The following GRIK4 variants were observed in gnomAD, a reference collection of about 807,000 sequenced individuals.
GRIK4 encodes glutamate receptor ionotropic, kainate 4.
GRIK4 carries 40 observed loss-of-function variants against 104.9 expected under a neutral mutation model. That is an observed-to-expected ratio of 0.38 (90% CI 0.30 to 0.50). The LOEUF is 0.50. Among genes scored for constraint, GRIK4 ranks in the 20% least tolerant of loss-of-function variants. GRIK4 has a pLI of 0.93. For missense variants in GRIK4, 1,047 were observed against 1,308.1 expected (o/e 0.80, Z 3.08); for synonymous variants, 485 against 524.9 (o/e 0.92, Z 1.04).
At chr11:120,787,243 C>G (rs964896783) in intron 3 of GRIK4, among the ~76,000 whole-genome samples, 2 of 151,790 alleles carry the variant, frequency 1.3e-5, no homozygotes, top group African/African-American at 2.4e-5. Flanking sequence ...ACAGGAAGAT[C>G]GCTTGAGCCC....
intron 3 of GRIK4, among the ~76,000 whole-genome samples, chr11:120,743,434 TAGG>T (rs1226614873): frequency 6.6e-6 from 1 of 151,916 alleles, no homozygotes; most frequent in Non-Finnish European, 1.5e-5. Flanking sequence ...GGGTGGAAGG[TAGG>T]AGAAGGGAGA....
intron 3 of GRIK4, among the ~76,000 whole-genome samples, chr11:120,795,291 G>A (rs1351578527): frequency 2.6e-5 from 4 of 152,204 alleles, no homozygotes; most frequent in African/African-American, 9.6e-5. Flanking sequence ...CTGGGCTGCT[G>A]AGAATGTGTG....
intron 1 of GRIK4, among the ~76,000 whole-genome samples, chr11:120,640,217 C>G: frequency 6.6e-6 from 1 of 152,160 alleles, no homozygotes; most frequent in African/African-American, 2.4e-5. Context: ...ATTAGTAATC[C>G]TAGATCTCAG....
chr11:120,959,953 C>T (rs114629097), intron 16 of GRIK4, among the ~76,000 whole-genome samples: 177 of 152,216 alleles, frequency 1.2e-3, no homozygotes, highest in African/African-American at 4.1e-3. Context: ...CACTTGAGCC[C>T]GGGAGTTCTA....
chr11:120,585,512 C>G (rs891748801), intron 1 of GRIK4, among the ~76,000 whole-genome samples: 39 of 151,980 alleles, frequency 2.6e-4, no homozygotes, highest in Non-Finnish European at 5.7e-4. Context: ...CTGTGCCGTG[C>G]CCTTTCCATT....
chr11:120,768,687 T>C (rs1229005254), intron 3 of GRIK4, among the ~76,000 whole-genome samples: 3 of 152,236 alleles, frequency 2.0e-5, no homozygotes, highest in East Asian at 1.9e-4. Flanking sequence ...TTTTAATACA[T>C]AGCCTTTATT....
chr11:120,603,672 G>A (rs1381390382), intron 1 of GRIK4, among the ~76,000 whole-genome samples: 1 of 152,210 alleles, frequency 6.6e-6, no homozygotes, highest in African/African-American at 2.4e-5. Flanking sequence ...CAGGGCTTGG[G>A]TTCAAAGACA....
At chr11:120,733,373 GTTT>G (rs58429084) in intron 3 of GRIK4, among the ~76,000 whole-genome samples, 6 of 150,850 alleles carry the variant, frequency 4.0e-5, no homozygotes, top group African/African-American at 1.5e-4. Context: ...TTTTTTTTCT[GTTT>G]TTTTTTGTGA....
chr11:120,603,521 C>T (rs963587980), intron 1 of GRIK4, among the ~76,000 whole-genome samples: 1 of 152,202 alleles, frequency 6.6e-6, no homozygotes, highest in African/African-American at 2.4e-5. Flanking sequence ...CCTTTGAAAA[C>T]TCTCTCCAGT....
chr11:120,835,210 G>A (rs958265231), intron 7 of GRIK4, among the ~76,000 whole-genome samples: 2 of 152,178 alleles, frequency 1.3e-5, no homozygotes, highest in Non-Finnish European at 2.9e-5. Context: ...TGCTCCTCAG[G>A]GAGCCTGCAA....
chr11:120,934,075 G>T (rs1051116742), intron 13 of GRIK4, among the ~76,000 whole-genome samples: 4 of 151,980 alleles, frequency 2.6e-5, no homozygotes, highest in African/African-American at 9.7e-5. Context: ...CATGGTGGCG[G>T]GCGCCTGTAG....
intron 2 of GRIK4, among the ~76,000 whole-genome samples, 198 bp downstream of exon 2, chr11:120,653,990 A>T (rs541013910): frequency 2.0e-5 from 3 of 152,182 alleles, no homozygotes; most frequent in African/African-American, 7.2e-5. Flanking sequence ...TGTCAAATAG[A>T]TGGGGAATTT....
chr11:120,789,800 G>A (rs1952361237), intron 3 of GRIK4, among the ~76,000 whole-genome samples: 1 of 152,070 alleles, frequency 6.6e-6, no homozygotes, highest in Admixed American at 6.5e-5. Context: ...TGCTTCCCTG[G>A]GAAGCTCACT....
intron 3 of GRIK4, among the ~76,000 whole-genome samples, chr11:120,681,780 G>T (rs1950196933): frequency 6.6e-6 from 1 of 152,234 alleles, no homozygotes; most frequent in Non-Finnish European, 1.5e-5. Flanking sequence ...GCAGAAATGG[G>T]CTGGAGGGGA....
chr11:120,932,909 T>C (rs911934798), intron 13 of GRIK4, among the ~76,000 whole-genome samples: 4 of 152,084 alleles, frequency 2.6e-5, no homozygotes, highest in Non-Finnish European at 5.9e-5. Flanking sequence ...AGAAGAAAGA[T>C]CTGGAAGCTG....
chr11:120,742,312 C>G (rs1366522517), intron 3 of GRIK4, among the ~76,000 whole-genome samples: 6 of 148,188 alleles, frequency 4.0e-5, no homozygotes, highest in Non-Finnish European at 8.9e-5. Context: ...CGCCAGTGTA[C>G]TCCAGTCTGG....
intron 3 of GRIK4, among the ~76,000 whole-genome samples, chr11:120,664,066 T>G (rs1385605574): frequency 6.6e-6 from 1 of 152,200 alleles, no homozygotes. Context: ...CAAAGAAGTA[T>G]ATGGGTGCAG....
At chr11:120,621,226 G>A (rs1380563369) in intron 1 of GRIK4, among the ~76,000 whole-genome samples, 2 of 152,126 alleles carry the variant, frequency 1.3e-5, no homozygotes, top group African/African-American at 4.8e-5. Flanking sequence ...AGGGTCGGTG[G>A]ATGATCTTGA....
At chr11:120,535,018 T>C (rs1947958528) in intron 1 of GRIK4, among the ~76,000 whole-genome samples, 2 of 152,220 alleles carry the variant, frequency 1.3e-5, no homozygotes, top group African/African-American at 4.8e-5. Flanking sequence ...TGCAGTAAGC[T>C]GGCCGGTATT....
Sources: allele counts gnomAD v4.1 joint callset (sites outside exome capture counted in the v4.1 genomes callset), GRCh38; gene constraint gnomAD v4.1.1; transcripts MANE v1.5; gene names NCBI Gene and HGNC (gene_info 2026-07-23, HGNC 2026-07-21).